Variants in GAB3 observed in about 807,000 individuals in gnomAD.
GAB3 encodes the protein GRB2-associated-binding protein 3.
GAB3 carries 12 observed loss-of-function variants against 40.4 expected under a neutral mutation model. The ratio of observed to expected loss-of-function variants is 0.30; its 90% CI spans 0.19 to 0.48. The LOEUF (loss-of-function observed/expected upper bound fraction) is 0.48. Ranked by LOEUF, GAB3 falls within the 20% of genes least tolerant of loss-of-function variation. GAB3 has a pLI of 0.99. For synonymous variants in GAB3, 154 were observed against 176.7 expected (o/e 0.87, Z 1.02); for missense variants, 381 against 461.9 (o/e 0.82, Z 1.61).
chrX:154,711,166 C>A (rs1166303513), intron 4 of GAB3, among the ~76,000 whole-genome samples: 1 of 111,900 alleles, frequency 8.9e-6, no homozygotes, highest in Non-Finnish European at 1.9e-5. Flanking sequence ...TTCCACTTTC[C>A]ATAATTCCTT....
At chrX:154,678,450 G>A (rs1557246109) in intron 9 of GAB3, among the ~76,000 whole-genome samples, 156 bp from the exon 10 acceptor site, 1 of 112,790 alleles carries the variant, frequency 8.9e-6, no homozygotes, top group Non-Finnish European at 1.9e-5. Flanking sequence ...GCACGCACGT[G>A]CTTCTGCTTC....
In GAB3 at chrX:154,700,137, A is replaced by G. The variant is rs782273112; in HGVS notation, c.1070-78T>C. 1.7e-5 allele frequency: 14 copies of G among 804,991 alleles called. 1 individual carries two copies. The South Asian group carries it at 2.4e-4, about 14-fold the overall frequency. The allele number at this position is 804,991 out of a possible 1,213,427, so 66.3% of individuals were successfully genotyped here. ...CTAGAGTCCAGAGAGGCAGAGAAGC[A>G]TAACACAACAGTTGCTATTAGAGTC... is the stretch of plus-strand genomic sequence containing the variant. On this transcript the variant is annotated intron_variant, in intron 4 of 9. Transcript: ENST00000424127.
chrX:154,704,782 C>T (rs1425248925), intron 4 of GAB3, among the ~76,000 whole-genome samples: 2 of 111,255 alleles, frequency 1.8e-5, no homozygotes, highest in Admixed American at 9.5e-5. Context: ...GAAATACAAA[C>T]GGTTATTAGA....
At chrX:154,745,325 C>A in intron 1 of GAB3, among the ~76,000 whole-genome samples, 1 of 103,665 alleles carries the variant, frequency 9.6e-6, no homozygotes, top group African/African-American at 3.6e-5. Flanking sequence ...ATGCGAGACT[C>A]AGTCTCAGAA....
In GAB3 at chrX:154,678,419, T is replaced by C. The variant is rs1263111195; in HGVS notation, c.1648-125A>G. The C allele has an allele frequency of 8.5e-6, 4 of 470,773 alleles. No individual in the cohort carries two copies. In the African/African-American group the frequency reaches 9.7e-5, roughly 11 times the overall value. 38.8% of individuals were successfully genotyped at this position (470,773 alleles called of 1,213,427 possible). ...TCCTCTGTGTGGAAACTTTGTACTT[T>C]GTATGTGTGCTTGTGTGTGTGCACG... On this transcript the variant is annotated intron_variant, in intron 9 of 9. Transcript: ENST00000424127.
At chrX:154,701,453 C>A (rs1489274563) in intron 4 of GAB3, among the ~76,000 whole-genome samples, 2 of 112,124 alleles carry the variant, frequency 1.8e-5, no homozygotes, top group Non-Finnish European at 3.8e-5. Flanking sequence ...CAGATGGGAT[C>A]AGAGTAAAGG....
chrX:154,750,940 G>A lies in GAB3; in HGVS notation c.72+14C>T. On this transcript the variant is annotated intron_variant, in intron 1 of 9. Coordinates refer to ENST00000424127, the MANE Select transcript of GAB3 (RefSeq NM_001081573.3). ...GGACGCGAAGGCCGGGCGGGTGGCG[G>A]CGCCCCTACTCACGTAGCGCTGTAG... is the stretch of plus-strand genomic sequence containing the variant. 1.3e-5 allele frequency: 10 copies of A among 781,551 alleles called. 1 individual carries two copies. Among genetic ancestry groups the A allele is most frequent in the African/African-American group, 9.1e-5 (4 of 43,878 alleles). The allele number at this position is 781,551 out of a possible 1,213,427, so 64.4% of individuals were successfully genotyped here.
Position 154,716,280 on chromosome X carries a change from T to C in GAB3, c.122A>G (p.Asn41Ser). Residue 41 changes from asparagine to serine, a missense_variant, in exon 2 of 10, where the codon AAC becomes AGC. By Grantham distance (46) the Asn-to-Ser change is conservative. Around this residue, in one of 2 missense-constraint regions of GAB3, gnomAD observed 364 missense variants for 421.0 expected, o/e 0.86. Coordinates refer to ENST00000424127, the MANE Select transcript of GAB3 (RefSeq NM_001081573.3). ...CCTGTAGTACTCCAAGACATCGGGG[T>C]TGCCGCTCATGCGGCCTCGCCGGAG... ...FVLRRGRMSG[N>S]PDVLEYYRNK... is the part of the protein sequence containing the mutation. 1 of 1,212,399 alleles carries C rather than the reference T, an allele frequency of 8.2e-7. No homozygotes were observed. Among genetic ancestry groups the C allele is most frequent in the Non-Finnish European group, 1.1e-6 (1 of 895,583 alleles).
At position 154,716,173 on chromosome X, in the gene GAB3, G is replaced by C; in HGVS notation, c.229C>G (p.Arg77Gly). Reference protein sequence around the residue: ...VWKHVGPSFVRKEFQNNFVFI... With the variant: ...VWKHVGPSFVGKEFQNNFVFI... Reference sequence around the variant, plus strand: ...ACGAAATTATTCTGAAATTCCTTCCGAACAAAGCTGGGGCCCACATGCTTC... The same window carrying C: ...ACGAAATTATTCTGAAATTCCTTCCCAACAAAGCTGGGGCCCACATGCTTC... The change falls in exon 2 of 10, where the codon CGG (arginine) becomes GGG (glycine). Residue 77 changes from arginine to glycine, a missense_variant. Around this residue, in one of 2 missense-constraint regions of GAB3, gnomAD observed 364 missense variants for 421.0 expected, o/e 0.86. Coordinates refer to ENST00000424127, the MANE Select transcript of GAB3 (RefSeq NM_001081573.3). 1 of 1,212,249 alleles carries C rather than the reference G, an allele frequency of 8.2e-7. No homozygotes were observed. Among genetic ancestry groups the C allele is most frequent in the Non-Finnish European group, 1.1e-6 (1 of 895,561 alleles).
At chrX:154,697,898 C>T (rs997137521) in intron 6 of GAB3, among the ~76,000 whole-genome samples, 17 of 111,779 alleles carry the variant, frequency 1.5e-4, no homozygotes, top group African/African-American at 4.2e-4. Flanking sequence ...CTTATTCCAC[C>T]TCAGTGGCCC....
chrX:154,749,273 G>A (rs782477419), intron 1 of GAB3, among the ~76,000 whole-genome samples: 3 of 112,721 alleles, frequency 2.7e-5, no homozygotes, highest in Non-Finnish European at 5.6e-5. Flanking sequence ...AAGCCAGTCT[G>A]CTTAAGATAC....
At chrX:154,735,260 C>A (rs1435109725) in intron 1 of GAB3, among the ~76,000 whole-genome samples, 1 of 111,845 alleles carries the variant, frequency 8.9e-6, no homozygotes, top group African/African-American at 3.3e-5. Context: ...AATAAGCAAA[C>A]CACACACATA....
intron 1 of GAB3, among the ~76,000 whole-genome samples, chrX:154,738,253 G>A (rs1044003546): frequency 2.7e-5 from 3 of 112,244 alleles, no homozygotes; most frequent in Non-Finnish European, 5.6e-5. Context: ...GTCCAGATGA[G>A]CAATGATGGT....
chrX:154,709,002 A>C, intron 4 of GAB3, among the ~76,000 whole-genome samples: 1 of 111,279 alleles, frequency 9.0e-6, no homozygotes, highest in Non-Finnish European at 1.9e-5. Flanking sequence ...TGTAATTCCC[A>C]ATGTTGGAAG....
chrX:154,703,623 C>G (rs925850790), intron 4 of GAB3, among the ~76,000 whole-genome samples: 14 of 111,660 alleles, frequency 1.3e-4, no homozygotes, highest in Non-Finnish European at 2.1e-4. Context: ...ATTTAATAAA[C>G]CTACACATGT....
intron 1 of GAB3, among the ~76,000 whole-genome samples, chrX:154,749,365 G>C (rs928954223): frequency 8.9e-6 from 1 of 112,888 alleles, no homozygotes; most frequent in African/African-American, 3.2e-5. Context: ...AAATTGTATA[G>C]TGAACCTTTA....
At chrX:154,724,932 C>T (rs2071191624) in intron 1 of GAB3, among the ~76,000 whole-genome samples, 1 of 111,140 alleles carries the variant, frequency 9.0e-6, no homozygotes, top group Admixed American at 9.6e-5. Flanking sequence ...ACTCCTAAGC[C>T]CCCAGTATCC....
intron 2 of GAB3, among the ~76,000 whole-genome samples, chrX:154,714,375 T>G (rs2071012221): frequency 9.0e-6 from 1 of 111,677 alleles, no homozygotes; most frequent in Non-Finnish European, 1.9e-5. Flanking sequence ...AGAACTGCTG[T>G]GGGGATGAGA....
intron 1 of GAB3, among the ~76,000 whole-genome samples, chrX:154,739,450 T>C (rs781808797): frequency 4.5e-5 from 5 of 112,215 alleles, no homozygotes; most frequent in Non-Finnish European, 7.5e-5. Flanking sequence ...CTGGAGGTTA[T>C]TATATTAAGT....
Sources: gnomAD v4.1 joint callset for allele counts (sites outside exome capture counted in the v4.1 genomes callset) on GRCh38, gnomAD v4.1.1 for gene constraint, gnomAD v4.1.1 regional missense constraint, MANE v1.5 for transcripts, NCBI Gene and HGNC (gene_info 2026-07-23, HGNC 2026-07-21) for gene names.